GARNL3: variants seen among roughly 807,000 people sequenced by gnomAD.
GARNL3 encodes GTPase activating Rap/RanGAP domain like 3, also known as GTPase-activating Rap/Ran-GAP domain-like protein 3.
Under a neutral mutation model 125.0 loss-of-function variants are expected in GARNL3, and 63 were observed. The ratio of observed to expected loss-of-function variants is 0.50; its 90% CI spans 0.41 to 0.62. The LOEUF (loss-of-function observed/expected upper bound fraction) is 0.62, where lower values mean the gene tolerates loss of function less well. Among genes scored for constraint, GARNL3 ranks in the 20% least tolerant of loss-of-function variants. The probability of loss-of-function intolerance (pLI) is 0.00; values close to 1 mark genes in which losing one functional copy is unlikely to be tolerated. For missense variants in GARNL3, 994 were observed against 1,244.0 expected (o/e 0.80, Z 3.02); for synonymous variants, 439 against 457.5 (o/e 0.96, Z 0.52).
chr9:127,342,971 C>T (rs1055945403), intron 14 of GARNL3, among the ~76,000 whole-genome samples: 12 of 147,532 alleles, frequency 8.1e-5, no homozygotes, highest in Admixed American at 6.2e-4. Context: ...GATCTCGGCT[C>T]ACTGCAACCT....
upstream of GARNL3, chr9:127,264,178 C>A: frequency 2.2e-6 from 1 of 464,360 alleles, no homozygotes; most frequent in Admixed American, 3.9e-5. Flanking sequence ...ATGAGTATTG[C>A]TTGAGTGCTA....
chr9:127,309,931 T>C (rs982421944), intron 2 of GARNL3, among the ~76,000 whole-genome samples: 11 of 152,164 alleles, frequency 7.2e-5, no homozygotes, highest in Non-Finnish European at 1.0e-4. Context: ...GATGGAGATA[T>C]CAACAAAGCT....
chr9:127,382,571 C>T (rs1388214257), intron 22 of GARNL3, among the ~76,000 whole-genome samples: 1 of 152,030 alleles, frequency 6.6e-6, no homozygotes, highest in Non-Finnish European at 1.5e-5. Context: ...GTAATCATGC[C>T]ACTGCACTCC....
intron 15 of GARNL3, among the ~76,000 whole-genome samples, chr9:127,345,025 G>A (rs1830063400): frequency 6.6e-6 from 1 of 152,204 alleles, no homozygotes; most frequent in African/African-American, 2.4e-5. Context: ...ATCAAGGGAA[G>A]CTTAGTTACA....
chr9:127,313,995 G>A (rs765356194), intron 4 of GARNL3, among the ~76,000 whole-genome samples: 53 of 152,184 alleles, frequency 3.5e-4, no homozygotes, highest in Non-Finnish European at 5.9e-4. Flanking sequence ...TCTGACTTCC[G>A]TTGTGGAGTG....
At chr9:127,308,593 CAA>C (rs553353452) in intron 2 of GARNL3, among the ~76,000 whole-genome samples, 157 of 151,490 alleles carry the variant, frequency 1.0e-3, no homozygotes, top group African/African-American at 3.7e-3. Context: ...GTCATAAAGA[CAA>C]AGAGTCAGTG....
At chr9:127,227,608 A>C (rs1458152261) in intron 1 of GARNL3, among the ~76,000 whole-genome samples, 2 of 145,574 alleles carry the variant, frequency 1.4e-5, no homozygotes, top group African/African-American at 5.2e-5. Flanking sequence ...CTCAAAAAAA[A>C]CAAAAAACAA....
intron 16 of GARNL3, among the ~76,000 whole-genome samples, chr9:127,346,751 G>T (rs532586589): frequency 6.6e-6 from 1 of 152,294 alleles, no homozygotes; most frequent in South Asian, 2.1e-4. Flanking sequence ...CTGCTGTGCA[G>T]TTGGCTCTGC....
At chr9:127,227,625 A>T (rs1484153407) in intron 1 of GARNL3, among the ~76,000 whole-genome samples, 1 of 151,314 alleles carries the variant, frequency 6.6e-6, no homozygotes, top group Non-Finnish European at 1.5e-5. Flanking sequence ...ACAAAAAAAA[A>T]ACCTAATTTG....
chr9:127,336,298 C>A, intron 11 of GARNL3, 62 bp downstream of exon 11: 1 of 1,149,494 alleles, frequency 8.7e-7, no homozygotes, highest in East Asian at 2.4e-5. Context: ...CACTGGACTT[C>A]CATGACCCTT....
intron 17 of GARNL3, among the ~76,000 whole-genome samples, chr9:127,351,793 C>T (rs958679435): frequency 1.3e-5 from 2 of 152,210 alleles, no homozygotes; most frequent in African/African-American, 4.8e-5. Context: ...AATATGCTCT[C>T]GCCCTGTGTT....
chr9:127,243,585 T>G (rs933055194), intron 2 of GARNL3, among the ~76,000 whole-genome samples: 2 of 152,222 alleles, frequency 1.3e-5, no homozygotes, highest in African/African-American at 4.8e-5. Context: ...CTCTATGAAA[T>G]GTGCTGCCTT....
rs115188749 is a variant in GARNL3 at position 127,311,151 on chromosome 9, T to C, written c.220-485T>C. Among the ~76,000 whole-genome samples the C allele has an allele frequency of 9.3e-3, 1,412 of 151,938 alleles. 25 individuals are homozygous for C. The highest frequency in any genetic ancestry group is 0.032 in the African/African-American group (1,318 of 41,462). On this transcript the variant is annotated intron_variant, in intron 2 of 27. Coordinates refer to ENST00000373387, the MANE Select transcript of GARNL3 (RefSeq NM_032293.5). ...GGATTATATTTATTGACATGTAAAA[T>C]AGTTATTGGCAAAGCAAGCCACAAA...
At chr9:127,272,395 A>G (rs1181403883) in intron 1 of GARNL3, among the ~76,000 whole-genome samples, 7 of 150,188 alleles carry the variant, frequency 4.7e-5, no homozygotes, top group East Asian at 1.9e-4. Flanking sequence ...CAAAACATCA[A>G]GACTTCAGCG....
intron 26 of GARNL3, 87 bp from the exon 27 acceptor site, chr9:127,390,554 G>A (rs561573161): frequency 7.9e-7 from 1 of 1,259,800 alleles, no homozygotes; most frequent in East Asian, 2.4e-5. Flanking sequence ...CAATGCACCA[G>A]TTCCCAACCA....
At chr9:127,376,380 G>A (rs1588962233) in intron 22 of GARNL3, among the ~76,000 whole-genome samples, 1 of 151,722 alleles carries the variant, frequency 6.6e-6, no homozygotes, top group South Asian at 2.1e-4. Context: ...CACCTTGCCC[G>A]GCTAATTTTT....
chr9:127,293,272 G>T (rs2064481442), intron 2 of GARNL3, among the ~76,000 whole-genome samples: 1 of 152,146 alleles, frequency 6.6e-6, no homozygotes, highest in South Asian at 2.1e-4. Flanking sequence ...TCAAACCTCT[G>T]AACAAACAAA....
At chr9:127,291,320 C>G (rs1207076755) in intron 2 of GARNL3, 78 bp downstream of exon 2, 22 of 1,276,200 alleles carry the variant, frequency 1.7e-5, no homozygotes, top group Non-Finnish European at 2.5e-5. Flanking sequence ...TGAAAGAGTT[C>G]TGGAAGAGGT....
intron 6 of GARNL3, among the ~76,000 whole-genome samples, chr9:127,322,277 C>T (rs1301558754): frequency 1.3e-5 from 2 of 152,080 alleles, no homozygotes. Context: ...TTCCCAGACA[C>T]GGAGCCCCAA....
Sources: allele counts gnomAD v4.1 joint callset (sites outside exome capture counted in the v4.1 genomes callset), GRCh38; gene constraint gnomAD v4.1.1; transcripts MANE v1.5; gene names NCBI Gene and HGNC (gene_info 2026-07-23, HGNC 2026-07-21).